Variants in ATP8A1 observed in about 807,000 individuals in gnomAD.
The protein encoded by ATP8A1 is ATPase phospholipid transporting 8A1.
ATP8A1 carries 90 observed loss-of-function variants against 177.7 expected under a neutral mutation model. The ratio of observed to expected loss-of-function variants is 0.51; its 90% CI spans 0.43 to 0.60. The LOEUF is 0.60. ATP8A1 is among the 20% of genes least tolerant of loss of function. The pLI is 0.00. For synonymous variants in ATP8A1, 493 were observed against 485.9 expected, an observed-to-expected ratio of 1.01 and a Z score of -0.19; for missense variants, 1,072 against 1,392.8, an observed-to-expected ratio of 0.77 and a Z score of 3.67.
intron 22 of ATP8A1, among the ~76,000 whole-genome samples, chr4:42,513,013 G>A (rs886127567): frequency 2.0e-5 from 3 of 152,220 alleles, no homozygotes; most frequent in African/African-American, 7.2e-5. Flanking sequence ...ACAAATGGAT[G>A]TAGCTGTGTT....
At chr4:42,527,670 G>A (rs1347436469) in intron 20 of ATP8A1, among the ~76,000 whole-genome samples, 2 of 152,298 alleles carry the variant, frequency 1.3e-5, no homozygotes, top group Non-Finnish European at 2.9e-5. Context: ...GAGGATGAGA[G>A]TGTGACTCAT....
At chr4:42,422,664 C>A in intron 35 of ATP8A1, 143 bp downstream of exon 35, 1 of 638,516 alleles carries the variant, frequency 1.6e-6, no homozygotes, top group Non-Finnish European at 2.7e-6. Context: ...GATTTAAATC[C>A]ACATGTCTCT....
chr4:42,582,803 T>C (rs77336624), intron 9 of ATP8A1, among the ~76,000 whole-genome samples: 2,746 of 152,126 alleles, frequency 0.018, 100 homozygotes, highest in East Asian at 0.13. Flanking sequence ...TTTTTGTGGA[T>C]TTTTCACAAG....
At position 42,642,749 on chromosome 4, in the gene ATP8A1, C is replaced by G. The variant is rs1380753; in HGVS notation, c.49+14076G>C. Among the ~76,000 whole-genome samples, 26 of 152,214 alleles carry G rather than the reference C, an allele frequency of 1.7e-4. 1 individual carries two copies. In the South Asian group the frequency reaches 5.0e-3, roughly 29 times the overall value. Reference sequence around the variant, plus strand: ...AAGTACCTCCTAATGCAACATTTTACCTCAAGATGCTACTACTACTAATTA... The same window carrying G: ...AAGTACCTCCTAATGCAACATTTTAGCTCAAGATGCTACTACTACTAATTA... On this transcript the variant is annotated intron_variant, in intron 1 of 36. Transcript: ENST00000381668.
chr4:42,565,100 C>A (rs975802852), intron 15 of ATP8A1, among the ~76,000 whole-genome samples: 20 of 152,210 alleles, frequency 1.3e-4, no homozygotes, highest in Admixed American at 8.5e-4. Flanking sequence ...TCCCCAGCCA[C>A]ATGGGACTGT....
chr4:42,591,418 T>C (rs187252689), intron 6 of ATP8A1, among the ~76,000 whole-genome samples: 1 of 152,262 alleles, frequency 6.6e-6, no homozygotes. Context: ...ATAAATATCT[T>C]ACTAACTTTA....
chr4:42,626,856 A>G (rs1577728676), intron 2 of ATP8A1, 139 bp downstream of exon 2: 1 of 674,272 alleles, frequency 1.5e-6, no homozygotes, highest in Non-Finnish European at 2.7e-6. Flanking sequence ...AAGATGGGGA[A>G]ACAGCCTATT....
chr4:42,526,098 T>C (rs1726642339), intron 20 of ATP8A1, among the ~76,000 whole-genome samples: 1 of 152,100 alleles, frequency 6.6e-6, no homozygotes, highest in Non-Finnish European at 1.5e-5. Context: ...TTGAAAACAT[T>C]AAAATCATGA....
At chr4:42,626,506 A>G (rs1427654064) in intron 2 of ATP8A1, 1 of 156,194 alleles carries the variant, frequency 6.4e-6, no homozygotes, top group Non-Finnish European at 1.4e-5. Context: ...TTTTTACATT[A>G]TTGTTGGAAT....
At chr4:42,500,774 G>A (rs1281767277) in intron 24 of ATP8A1, among the ~76,000 whole-genome samples, 1 of 152,102 alleles carries the variant, frequency 6.6e-6, no homozygotes, top group African/African-American at 2.4e-5. Flanking sequence ...TCTGTAGAGT[G>A]AGACTTCCAT....
intron 15 of ATP8A1, among the ~76,000 whole-genome samples, chr4:42,563,803 T>G (rs910856595): frequency 6.6e-6 from 1 of 152,172 alleles, no homozygotes; most frequent in Non-Finnish European, 1.5e-5. Flanking sequence ...AAATCAAGAA[T>G]TGAGGTTTGG....
intron 22 of ATP8A1, among the ~76,000 whole-genome samples, chr4:42,516,769 T>C (rs1725581664): frequency 6.6e-6 from 1 of 152,156 alleles, no homozygotes; most frequent in Non-Finnish European, 1.5e-5. Flanking sequence ...ATAGTATGAA[T>C]ATGAGACAAA....
At chr4:42,415,649 T>C (rs562277383) in intron 35 of ATP8A1, among the ~76,000 whole-genome samples, 3 of 152,226 alleles carry the variant, frequency 2.0e-5, no homozygotes, top group Non-Finnish European at 4.4e-5. Context: ...AATCCATATG[T>C]GTTGCAGCAA....
At chr4:42,481,637 T>G (rs1721681171) in intron 25 of ATP8A1, among the ~76,000 whole-genome samples, 1 of 152,238 alleles carries the variant, frequency 6.6e-6, no homozygotes, top group African/African-American at 2.4e-5. Flanking sequence ...TAGTGCTTGA[T>G]TTCAGCTGTA....
intron 1 of ATP8A1, among the ~76,000 whole-genome samples, chr4:42,638,080 G>T (rs189867693): frequency 6.6e-6 from 1 of 152,258 alleles, no homozygotes; most frequent in East Asian, 1.9e-4. Context: ...GACCCTTCAG[G>T]AAAGTCCCTT....
intron 6 of ATP8A1, chr4:42,594,488 C>G: frequency 1.6e-6 from 1 of 606,194 alleles, no homozygotes; most frequent in Non-Finnish European, 2.9e-6. Context: ...CACTTATCTT[C>G]ACAAAATGGA....
chr4:42,497,046 T>C (rs541250707), intron 24 of ATP8A1, among the ~76,000 whole-genome samples: 1 of 152,216 alleles, frequency 6.6e-6, no homozygotes, highest in Admixed American at 6.5e-5. Context: ...AGAATGAAAA[T>C]GAAACAAGTT....
intron 4 of ATP8A1, among the ~76,000 whole-genome samples, chr4:42,617,108 AG>A (rs1181612526): frequency 6.6e-6 from 1 of 152,250 alleles, no homozygotes; most frequent in African/African-American, 2.4e-5. Context: ...GAAAAAATAC[AG>A]TTTTCAGAAT....
At chr4:42,552,855 T>C (rs1458258045) in intron 16 of ATP8A1, among the ~76,000 whole-genome samples, 1 of 152,192 alleles carries the variant, frequency 6.6e-6, no homozygotes. Flanking sequence ...GGCAGGCGCC[T>C]GTAATGCCAG....
Sources: gnomAD v4.1 joint callset for allele counts (sites outside exome capture counted in the v4.1 genomes callset) on GRCh38, gnomAD v4.1.1 for gene constraint, MANE v1.5 for transcripts, NCBI Gene and HGNC (gene_info 2026-07-23, HGNC 2026-07-21) for gene names.